Variants in ELAPOR1 observed in about 807,000 individuals in gnomAD.
ELAPOR1 encodes endosome/lysosome-associated apoptosis and autophagy regulator 1.
In ELAPOR1, 77 loss-of-function variants were observed where a neutral mutation model predicts 119.7. The ratio of observed to expected loss-of-function variants is 0.64; its 90% confidence interval spans 0.54 to 0.78. The LOEUF is 0.78. ELAPOR1 is among the 30% of genes least tolerant of loss of function. The pLI is 0.00. For synonymous variants in ELAPOR1, 481 were observed against 487.2 expected (o/e 0.99, Z 0.17); for missense variants, 1,115 against 1,270.4 (o/e 0.88, Z 1.86).
At chr1:109,198,202 GC>G in intron 17 of ELAPOR1, 127 bp downstream of exon 17, 1 of 739,826 alleles carries the variant, frequency 1.4e-6, no homozygotes, top group Non-Finnish European at 2.3e-6. Flanking sequence ...TAGCAGATCT[GC>G]CCAGTCATGA....
chr1:109,140,599 C>T (rs1649768863), intron 1 of ELAPOR1, among the ~76,000 whole-genome samples: 1 of 152,146 alleles, frequency 6.6e-6, no homozygotes, highest in African/African-American at 2.4e-5. Context: ...GTTTTGACTT[C>T]ATCAGTAGCA....
intron 1 of ELAPOR1, chr1:109,161,545 TA>T (rs1651260010): frequency 6.1e-6 from 1 of 163,972 alleles, no homozygotes; most frequent in African/African-American, 2.4e-5. Context: ...TCCTCGTTCA[TA>T]AATTCTACAC....
intron 10 of ELAPOR1, 60 bp from the exon 11 acceptor site, chr1:109,189,532 G>T: frequency 6.9e-7 from 1 of 1,443,514 alleles, no homozygotes; most frequent in African/African-American, 1.4e-5. Context: ...GTGTCATCTG[G>T]GTGCACATTT....
intron 1 of ELAPOR1, among the ~76,000 whole-genome samples, chr1:109,144,965 T>C (rs2101006924): frequency 6.6e-6 from 1 of 152,344 alleles, no homozygotes; most frequent in South Asian, 2.1e-4. Flanking sequence ...ATATACATAA[T>C]ATATACATTT....
At chr1:109,187,068 G>A (rs1279446497) in intron 8 of ELAPOR1, 1 of 985,390 alleles carries the variant, frequency 1.0e-6, no homozygotes, top group African/African-American at 1.7e-5. Flanking sequence ...TCAGTCTGGT[G>A]ATTGAGTTTG....
chr1:109,193,885 C>G (rs566568952), intron 14 of ELAPOR1, among the ~76,000 whole-genome samples: 1 of 152,300 alleles, frequency 6.6e-6, no homozygotes, highest in African/African-American at 2.4e-5. Context: ...GTGCGGCTAC[C>G]GCTGAATGGT....
chr1:109,155,979 C>CA lies in ELAPOR1; in HGVS notation c.154-5908dup, dbSNP rs535370627. Among the ~76,000 whole-genome samples, 500 of 152,066 alleles carry CA rather than the reference C, an allele frequency of 3.3e-3. 2 individuals carry two copies. The highest frequency in any genetic ancestry group is 0.011 in the African/African-American group (472 of 41,480). On this transcript the variant is annotated intron_variant, in intron 1 of 21. Transcript: ENST00000369939. ...GCCACATAGCAAGACCCCATCTCTG[C>CA]AAAAAAATTTTTTTAATTAGCCAGA...
intron 1 of ELAPOR1, among the ~76,000 whole-genome samples, chr1:109,143,779 C>T (rs1009515338): frequency 1.1e-4 from 17 of 151,842 alleles, no homozygotes; most frequent in Non-Finnish European, 1.9e-4. Context: ...AAACAGTCCT[C>T]CTGCCTCAGC....
At chr1:109,185,185 TC>T in intron 8 of ELAPOR1, 52 bp downstream of exon 8, 1 of 1,380,816 alleles carries the variant, frequency 7.2e-7, no homozygotes, top group Non-Finnish European at 1.0e-6. Flanking sequence ...TGTCTCCCAC[TC>T]CCTGAGGTTT....
intron 1 of ELAPOR1, among the ~76,000 whole-genome samples, chr1:109,140,037 A>G (rs755286129): frequency 2.6e-5 from 4 of 152,256 alleles, no homozygotes; most frequent in Admixed American, 6.5e-5. Context: ...TATTGGGATT[A>G]CAGGCGTGAG....
At position 109,189,101 on chromosome 1, in the gene ELAPOR1, G is replaced by A; in HGVS notation, c.1255G>A (p.Val419Met). The part of the protein sequence containing the change: ...TRCPAGTEPA[V>M]GFEYKWWNTL... ...CTGCCCTGCAGGGACTGAACCTGCT[G>A]TGGGATTTGAATACAAATGGTGGAA... The change falls in exon 10 of 22, where the codon GTG becomes ATG. Residue 419 changes from valine to methionine, a missense_variant. Transcript: ENST00000369939. 1 of 1,614,080 alleles carries A rather than the reference G, an allele frequency of 6.2e-7. No individual in the cohort carries two copies. The highest frequency in any genetic ancestry group is 8.5e-7 in the Non-Finnish European group (1 of 1,179,964).
Position 109,204,223 on chromosome 1 carries a change from TTTTA to T in ELAPOR1, c.*1215_*1218del, listed in dbSNP as rs1443618048. 5.9e-5 allele frequency: 9 copies of T among 152,200 alleles called. No individual in the cohort carries two copies. The highest frequency in any genetic ancestry group is 5.9e-4 in the Admixed American group (9 of 15,284). The allele number at this position is 152,200 out of a possible 1,614,324, so 9.4% of individuals were successfully genotyped here. A position where few individuals can be genotyped will look rare whatever the true frequency, so the allele number is the denominator to read the frequency against. On this transcript the variant is annotated 3_prime_UTR_variant, in exon 22 of 22. Transcript: ENST00000369939. ...CAGGCATAAGCCACTGCACTCAGCC[TTTTA>T]TTTGTTTTTTAAACCACGTAGCTCA...
intron 1 of ELAPOR1, among the ~76,000 whole-genome samples, chr1:109,135,180 T>C (rs959688070): frequency 2.6e-5 from 4 of 152,244 alleles, no homozygotes; most frequent in South Asian, 2.1e-4. Context: ...AAAACCCAGA[T>C]TGGTAGGCCT....
chr1:109,160,807 G>C (rs1651199619), intron 1 of ELAPOR1, among the ~76,000 whole-genome samples: 1 of 152,214 alleles, frequency 6.6e-6, no homozygotes. Flanking sequence ...TCCATGGTCT[G>C]TTGTTTATTA....
intron 21 of ELAPOR1, among the ~76,000 whole-genome samples, chr1:109,202,078 C>T (rs1654204146): frequency 6.6e-6 from 1 of 152,140 alleles, no homozygotes; most frequent in African/African-American, 2.4e-5. Flanking sequence ...CCAGCCTGGG[C>T]AACAGAGCGA....
Position 109,187,353 on chromosome 1 carries a change from G to C in ELAPOR1, c.1042-824G>C, listed in dbSNP as rs537368842. 5.1e-6 allele frequency: 5 copies of C among 985,540 alleles called. No homozygotes were observed. The African/African-American group carries it at 8.7e-5, about 17-fold the overall frequency. 61.0% of individuals were successfully genotyped at this position (985,540 alleles called of 1,614,324 possible). ...GGGAAGAGGGCCGAGCTGAGCAGGG[G>C]AAGGAGGAGCCCAGGGCTCCCCATC... On this transcript the variant is annotated intron_variant, in intron 8 of 21. Transcript: ENST00000369939.
chr1:109,143,433 G>A (rs999844159), intron 1 of ELAPOR1, among the ~76,000 whole-genome samples: 8 of 152,168 alleles, frequency 5.3e-5, no homozygotes, highest in South Asian at 2.1e-4. Context: ...GAATAGATTC[G>A]TGGTTGCCAG....
At chr1:109,172,041 G>A (rs1488613687) in intron 4 of ELAPOR1, 28 bp downstream of exon 4, 1 of 1,613,784 alleles carries the variant, frequency 6.2e-7, no homozygotes, top group Non-Finnish European at 8.5e-7. Flanking sequence ...GTGGAGGGTG[G>A]GAGCTAAAAA....
intron 7 of ELAPOR1, among the ~76,000 whole-genome samples, chr1:109,184,804 G>A (rs956693120): frequency 3.9e-4 from 60 of 152,320 alleles, no homozygotes; most frequent in African/African-American, 1.4e-3. Flanking sequence ...GACGGGAAGC[G>A]GCAAACAGTG....
Sources: allele counts gnomAD v4.1 joint callset (sites outside exome capture counted in the v4.1 genomes callset), GRCh38; gene constraint gnomAD v4.1.1; transcripts MANE v1.5; gene names NCBI Gene and HGNC (gene_info 2026-07-23, HGNC 2026-07-21).